Variants in GALNTL6 observed in about 807,000 individuals in gnomAD.
GALNTL6 encodes polypeptide N-acetylgalactosaminyltransferase like 6, also known as polypeptide N-acetylgalactosaminyltransferase-like 6.
A neutral mutation model predicts 73.7 loss-of-function variants in GALNTL6; 46 were observed. The ratio of observed to expected loss-of-function variants is 0.62; its 90% CI spans 0.49 to 0.80. The LOEUF (loss-of-function observed/expected upper bound fraction) is 0.80, where lower values mean the gene tolerates loss of function less well. Among genes scored for constraint, GALNTL6 ranks in the 30% least tolerant of loss-of-function variants. GALNTL6 has a pLI of 0.00. For missense variants in GALNTL6, 604 were observed against 755.0 expected (o/e 0.80, Z 2.34); for synonymous variants, 259 against 263.7 (o/e 0.98, Z 0.17).
chr4:172,292,864 A>G (rs982309535), intron 3 of GALNTL6, among the ~76,000 whole-genome samples: 6 of 152,244 alleles, frequency 3.9e-5, no homozygotes, highest in African/African-American at 1.4e-4. Flanking sequence ...AATAGTTTGC[A>G]TATTTCAGTT....
chr4:172,316,219 A>G lies in GALNTL6; in HGVS notation c.386+4467A>G, dbSNP rs201198686. Reference sequence around the variant, plus strand: ...AAAGAGCTAGAAGAACCATTCTAATAGGAGAGTTGAGGTAGGCTTCACAGC... The same window carrying G: ...AAAGAGCTAGAAGAACCATTCTAATGGGAGAGTTGAGGTAGGCTTCACAGC... On this transcript the variant is annotated intron_variant, in intron 4 of 12. Coordinates refer to ENST00000506823, the MANE Select transcript of GALNTL6 (RefSeq NM_001034845.3). 1.8e-3 allele frequency among the ~76,000 whole-genome samples: 281 copies of G among 152,300 alleles called. 2 individuals carry two copies. Among genetic ancestry groups the G allele is most frequent in the Non-Finnish European group, 3.5e-3 (237 of 68,024 alleles).
chr4:172,325,336 A>T (rs1461941566), intron 4 of GALNTL6, among the ~76,000 whole-genome samples: 1 of 152,032 alleles, frequency 6.6e-6, no homozygotes, highest in Admixed American at 6.6e-5. Flanking sequence ...TTTGTAATTA[A>T]AAGACTACCA....
chr4:172,786,374 T>C (rs1328467354), intron 5 of GALNTL6, among the ~76,000 whole-genome samples: 1 of 152,208 alleles, frequency 6.6e-6, no homozygotes, highest in Non-Finnish European at 1.5e-5. Flanking sequence ...CTTTGTAGTG[T>C]AGTGAATACA....
intron 2 of GALNTL6, among the ~76,000 whole-genome samples, chr4:171,946,559 C>T (rs1431353510): frequency 6.6e-6 from 1 of 152,166 alleles, no homozygotes. Context: ...TAAGCCTCAT[C>T]GAGCTCGTCT....
chr4:172,166,713 C>A (rs1014787178), intron 2 of GALNTL6, among the ~76,000 whole-genome samples: 1 of 152,140 alleles, frequency 6.6e-6, no homozygotes, highest in Admixed American at 6.5e-5. Context: ...CTTTTACAAA[C>A]CAATTGCTTG....
intron 7 of GALNTL6, among the ~76,000 whole-genome samples, chr4:172,832,176 G>A (rs957012265): frequency 6.6e-6 from 1 of 151,982 alleles, no homozygotes; most frequent in Non-Finnish European, 1.5e-5. Context: ...ATGAAGTTGC[G>A]GAACCAAGAT....
intron 7 of GALNTL6, among the ~76,000 whole-genome samples, chr4:172,835,237 G>A (rs1285107977): frequency 6.6e-6 from 1 of 152,212 alleles, no homozygotes; most frequent in Non-Finnish European, 1.5e-5. Flanking sequence ...TGAGAGGGAG[G>A]AGCATGTTCA....
chr4:172,437,047 G>T (rs1181666746), intron 5 of GALNTL6, among the ~76,000 whole-genome samples: 1 of 152,036 alleles, frequency 6.6e-6, no homozygotes, highest in South Asian at 2.1e-4. Context: ...CACTTGTGAG[G>T]CCACCACACA....
At chr4:172,573,515 G>A (rs1404408625) in intron 5 of GALNTL6, among the ~76,000 whole-genome samples, 6 of 152,110 alleles carry the variant, frequency 3.9e-5, no homozygotes, top group Non-Finnish European at 8.8e-5. Context: ...AGCAATGGTG[G>A]CTTTTCAGAG....
chr4:172,277,067 C>T (rs964754875), intron 3 of GALNTL6, among the ~76,000 whole-genome samples: 2 of 151,934 alleles, frequency 1.3e-5, no homozygotes, highest in African/African-American at 4.8e-5. Context: ...GTTTTTGACA[C>T]CTCTTTGTCT....
intron 5 of GALNTL6, among the ~76,000 whole-genome samples, chr4:172,690,997 A>C (rs1395974823): frequency 6.6e-6 from 1 of 152,222 alleles, no homozygotes; most frequent in African/African-American, 2.4e-5. Flanking sequence ...ATTGGCTTGC[A>C]ATACAAAACT....
rs1225555823 is a variant in GALNTL6 at position 171,837,597 on chromosome 4, A to G, written c.138+22879A>G. On this transcript the variant is annotated intron_variant, in intron 2 of 12. Coordinates refer to ENST00000506823, the MANE Select transcript of GALNTL6 (RefSeq NM_001034845.3). ...ATTAATATTATAGATATTAATTATT[A>G]TATATTAATAGTAATTGATATATAA... 2.0e-5 allele frequency among the ~76,000 whole-genome samples: 3 copies of G among 147,312 alleles called. No individual in the cohort carries two copies. The East Asian group carries it at 5.8e-4, about 29-fold the overall frequency.
intron 5 of GALNTL6, among the ~76,000 whole-genome samples, chr4:172,767,759 T>G (rs1435395748): frequency 7.0e-6 from 1 of 142,510 alleles, no homozygotes; most frequent in Non-Finnish European, 1.5e-5. Context: ...AACTTCCACC[T>G]CCCAGGTTCA....
chr4:172,045,481 T>A (rs913066511), intron 2 of GALNTL6, among the ~76,000 whole-genome samples: 1 of 152,046 alleles, frequency 6.6e-6, no homozygotes, highest in Non-Finnish European at 1.5e-5. Flanking sequence ...GTTCTGACAT[T>A]TTGAGATTTT....
At chr4:172,098,941 T>A (rs1173196000) in intron 2 of GALNTL6, among the ~76,000 whole-genome samples, 1 of 152,074 alleles carries the variant, frequency 6.6e-6, no homozygotes, top group Admixed American at 6.6e-5. Flanking sequence ...AATGTGATAG[T>A]CACAGATAAT....
At position 172,361,105 on chromosome 4, in the gene GALNTL6, G is replaced by A. The variant is rs141871444; in HGVS notation, c.553+12416G>A. ...AGCAAATGAATGAATGATGATAAAC[G>A]TTTCAACTTTTAGAAAAGTTCGCCA... is the stretch of plus-strand genomic sequence containing the variant. On this transcript the variant is annotated intron_variant, in intron 5 of 12. Transcript: ENST00000506823. Among the ~76,000 whole-genome samples, 158 of 152,220 alleles carry A rather than the reference G, an allele frequency of 1.0e-3. 2 individuals carry two copies. The East Asian group carries it at 0.017, about 16-fold the overall frequency.
intron 5 of GALNTL6, among the ~76,000 whole-genome samples, chr4:172,379,417 C>A (rs1320568700): frequency 6.6e-6 from 1 of 151,100 alleles, no homozygotes; most frequent in Admixed American, 6.6e-5. Context: ...GTAGTCCCAG[C>A]TACTTGGGAG....
At chr4:171,893,362 T>G (rs1327681978) in intron 2 of GALNTL6, among the ~76,000 whole-genome samples, 2 of 152,164 alleles carry the variant, frequency 1.3e-5, no homozygotes, top group Non-Finnish European at 2.9e-5. Context: ...CTATTTTTAG[T>G]GAATAAACTG....
rs771376890 is a variant in GALNTL6, at chr4:172,311,623, A to T, written c.257A>T (p.Glu86Val). ...QKEAMRSGKG[E>V]HGKPYPLTEE... ...TGTTTTCTCCTGCTAGGGAAAGGTG[A>T]ACATGGGAAACCTTACCCCCTTACT... Residue 86 changes from glutamate to valine, a missense_variant, in exon 4 of 13, where the codon GAA becomes GTA. Physicochemically the swap from Glu to Val is moderately radical, Grantham distance 121 (BLOSUM62 -2). This residue lies in a region of GALNTL6 where 141 missense variants were observed against 156.6 expected (regional missense o/e 0.90). Coordinates refer to ENST00000506823, the MANE Select transcript of GALNTL6 (RefSeq NM_001034845.3). 6.2e-7 allele frequency: 1 copy of T among 1,602,908 alleles called. No individual in the cohort carries two copies. The highest frequency in any genetic ancestry group is 1.7e-5 in the Admixed American group (1 of 57,656).
Sources: gnomAD v4.1 joint callset for allele counts (sites outside exome capture counted in the v4.1 genomes callset) on GRCh38, gnomAD v4.1.1 for gene constraint, gnomAD v4.1.1 regional missense constraint, MANE v1.5 for transcripts, NCBI Gene and HGNC (gene_info 2026-07-23, HGNC 2026-07-21) for gene names.